HK2: variants seen among roughly 807,000 people sequenced by gnomAD.
HK2 encodes the protein hexokinase-2.
HK2 carries 42 observed loss-of-function variants against 92.9 expected under a neutral mutation model. The ratio of observed to expected loss-of-function variants is 0.45; its 90% CI spans 0.35 to 0.58. The LOEUF is 0.58. Ranked by LOEUF, HK2 falls within the 20% of genes least tolerant of loss-of-function variation. The pLI, the probability that HK2 is intolerant of heterozygous loss-of-function variation, is 0.00. For missense variants in HK2, 978 were observed against 1,245.1 expected, an observed-to-expected ratio of 0.79 and a Z score of 3.23; for synonymous variants, 422 against 468.0, an observed-to-expected ratio of 0.90 and a Z score of 1.27.
Position 74,893,326 on chromosome 2 carries a change from T to C in HK2, c.*2385T>C, listed in dbSNP as rs1689728714. 2.0e-5 allele frequency: 3 copies of C among 152,244 alleles called. No homozygotes were observed. Among genetic ancestry groups the C allele is most frequent in the South Asian group, 4.1e-4 (2 of 4,832 alleles). The allele number at this position is 152,244 out of a possible 1,614,324, so 9.4% of individuals were successfully genotyped here. A position where few individuals can be genotyped will look rare whatever the true frequency, so the allele number is the denominator to read the frequency against. On this transcript the variant is annotated 3_prime_UTR_variant, in exon 18 of 18. Coordinates refer to ENST00000290573, the MANE Select transcript of HK2 (RefSeq NM_000189.5). ...ATTAACTATGTGATGTTAACTATTA[T>C]TAATAAATTTTAACATTTTCCAAAA...
At chr2:74,880,192 CA>C in intron 9 of HK2, 72 bp from the exon 10 acceptor site, 1 of 1,536,576 alleles carries the variant, frequency 6.5e-7, no homozygotes, top group Non-Finnish European at 9.0e-7. Flanking sequence ...AGGCGGTGGG[CA>C]ACTGTCTAAC....
chr2:74,874,506 G>T (rs1689179884), intron 7 of HK2, 57 bp downstream of exon 7: 1 of 1,500,414 alleles, frequency 6.7e-7, no homozygotes, highest in African/African-American at 1.4e-5. Flanking sequence ...CTGAGTCTGG[G>T]GCTGGTCGGG....
rs902362931 is a variant in HK2 at position 74,891,842 on chromosome 2, A to G, written c.*901A>G. ...ATATGTTAATTTGTTATGTATATAG[A>G]TGTGCAAGTCTTGTCAGAATTGGCC... On this transcript the variant is annotated 3_prime_UTR_variant, in exon 18 of 18. Coordinates refer to ENST00000290573, the MANE Select transcript of HK2 (RefSeq NM_000189.5). 9 of 152,800 alleles carry G rather than the reference A, an allele frequency of 5.9e-5. No homozygotes were observed. Among genetic ancestry groups the G allele is most frequent in the Non-Finnish European group, 4.4e-5 (3 of 68,034 alleles). The allele number at this position is 152,800 out of a possible 1,614,324, so 9.5% of individuals were successfully genotyped here.
Position 74,834,732 on chromosome 2 carries a change from C to A in HK2, c.63+89C>A. ...TCTTCCTCGACCCTGCGGGGACCCG[C>A]TTCCTCCCTACTCCGGGCCTGGGAG... is the stretch of plus-strand genomic sequence containing the variant. On this transcript the variant is annotated intron_variant, in intron 1 of 17. Transcript: ENST00000290573. This position sits in a 1 kb window ranked among gnomAD's most constrained non-coding sequence, Gnocchi z 4.2. 3 of 1,444,346 alleles carry A rather than the reference C, an allele frequency of 2.1e-6. No homozygotes were observed. The highest frequency in any genetic ancestry group is 2.9e-6 in the Non-Finnish European group (3 of 1,026,824). The allele number at this position is 1,444,346 out of a possible 1,614,324, so 89.5% of individuals were successfully genotyped here.
At chr2:74,859,188 T>C (rs1688758799) in intron 2 of HK2, among the ~76,000 whole-genome samples, 1 of 152,248 alleles carries the variant, frequency 6.6e-6, no homozygotes, top group Admixed American at 6.5e-5. Context: ...TCAGTCCAGC[T>C]TGTTATAATT....
Position 74,892,660 on chromosome 2 carries a change from GGAAA to G in HK2, c.*1724_*1727del, listed in dbSNP as rs747040720. The G allele has an allele frequency of 2.6e-5, 4 of 152,306 alleles. No homozygotes were observed. The highest frequency in any genetic ancestry group is 4.4e-5 in the Non-Finnish European group (3 of 68,024). The allele number at this position is 152,306 out of a possible 1,614,324, so 9.4% of individuals were successfully genotyped here. On this transcript the variant is annotated 3_prime_UTR_variant, in exon 18 of 18. Transcript: ENST00000290573. ...TTGAATTGGATACAAGGATCAGAAT[GGAAA>G]GAAACTCACGATGAAATTGAACCTG... is the stretch of plus-strand genomic sequence containing the variant.
chr2:74,841,180 G>A (rs551380941), intron 1 of HK2, among the ~76,000 whole-genome samples: 1 of 152,156 alleles, frequency 6.6e-6, no homozygotes, highest in South Asian at 2.1e-4. Flanking sequence ...TTCATTTAGA[G>A]CAGTAGTTTT....
intron 12 of HK2, 60 bp from the exon 13 acceptor site, chr2:74,885,434 C>T: frequency 8.1e-7 from 1 of 1,227,244 alleles, no homozygotes; most frequent in Non-Finnish European, 1.2e-6. Context: ...AGCTGGACCC[C>T]CAGAACTGAC....
intron 1 of HK2, among the ~76,000 whole-genome samples, chr2:74,839,189 GAT>G (rs1238342916): frequency 1.3e-5 from 2 of 152,132 alleles, no homozygotes; most frequent in African/African-American, 4.8e-5. Context: ...CTCTGAGTGT[GAT>G]ATGGGAGACA....
intron 11 of HK2, 97 bp from the exon 12 acceptor site, chr2:74,882,023 T>C: frequency 6.9e-7 from 1 of 1,459,452 alleles, no homozygotes. Flanking sequence ...GCATTTCTTC[T>C]GGGTGGAAAG....
At chr2:74,870,795 T>A (rs1689080308) in intron 3 of HK2, among the ~76,000 whole-genome samples, 1 of 152,202 alleles carries the variant, frequency 6.6e-6, no homozygotes. Context: ...AAGAGAGCCT[T>A]GTCCTCCCCA....
intron 4 of HK2, 81 bp downstream of exon 4, chr2:74,872,500 G>T: frequency 6.7e-7 from 1 of 1,485,018 alleles, no homozygotes; most frequent in Non-Finnish European, 9.3e-7. Flanking sequence ...CACCTGCTGT[G>T]GTGGTGGTGG....
chr2:74,874,712 G>A (rs1242012530), intron 7 of HK2, among the ~76,000 whole-genome samples: 2 of 152,186 alleles, frequency 1.3e-5, no homozygotes, highest in Non-Finnish European at 2.9e-5. Context: ...GTAAGTGGGT[G>A]GCCCTGCTCT....
chr2:74,888,783 T>G (rs1186273123), intron 16 of HK2, among the ~76,000 whole-genome samples: 1 of 152,156 alleles, frequency 6.6e-6, no homozygotes, highest in Non-Finnish European at 1.5e-5. Flanking sequence ...ATAACTTTAT[T>G]TACACTTCCT....
At chr2:74,840,246 A>T (rs1279230239) in intron 1 of HK2, among the ~76,000 whole-genome samples, 1 of 148,468 alleles carries the variant, frequency 6.7e-6, no homozygotes, top group Non-Finnish European at 1.5e-5. Context: ...GGCGTGAGCC[A>T]CCGCGCCAGG....
chr2:74,873,008 A>T (rs1354732368), intron 4 of HK2, among the ~76,000 whole-genome samples: 1 of 152,246 alleles, frequency 6.6e-6, no homozygotes, highest in Non-Finnish European at 1.5e-5. Flanking sequence ...GGCAATAGGA[A>T]CTTTTCAGCT....
chr2:74,856,315 C>T (rs993058528), intron 2 of HK2, among the ~76,000 whole-genome samples: 7 of 152,120 alleles, frequency 4.6e-5, no homozygotes, highest in African/African-American at 1.4e-4. Flanking sequence ...TTTGCTGAAG[C>T]CTTGGGACCC....
intron 1 of HK2, among the ~76,000 whole-genome samples, chr2:74,850,995 C>T (rs1558790323): frequency 8.7e-6 from 1 of 115,592 alleles, no homozygotes; most frequent in Non-Finnish European, 2.0e-5. Flanking sequence ...GGACATTTTT[C>T]ACTGTTTCAT....
intron 1 of HK2, among the ~76,000 whole-genome samples, chr2:74,835,607 G>GTGGGGA (rs1688144503): frequency 6.6e-6 from 1 of 152,170 alleles, no homozygotes; most frequent in Non-Finnish European, 1.5e-5. Flanking sequence ...GGGTATGGGG[G>GTGGGGA]TGGGGATGGG....
Sources: gnomAD v4.1 joint callset for allele counts (sites outside exome capture counted in the v4.1 genomes callset) on GRCh38, gnomAD v4.1.1 for gene constraint, Gnocchi (gnomAD v3.1) non-coding constraint, MANE v1.5 for transcripts, NCBI Gene and HGNC (gene_info 2026-07-23, HGNC 2026-07-21) for gene names.